The following TRPM8 variants were observed in gnomAD, a reference collection of about 807,000 sequenced individuals.
The protein encoded by TRPM8 is TRPM8 cationic channel.
A neutral mutation model predicts 133.7 loss-of-function variants in TRPM8; 110 were observed. The ratio of observed to expected loss-of-function variants is 0.82; its 90% CI spans 0.70 to 0.96. The LOEUF (loss-of-function observed/expected upper bound fraction) is 0.96. Among genes scored for constraint, TRPM8 ranks in the 40% least tolerant of loss-of-function variants. The pLI is 0.00. For missense variants in TRPM8, 1,291 were observed against 1,379.5 expected, an observed-to-expected ratio of 0.94 and a Z score of 1.02; for synonymous variants, 535 against 532.3, an observed-to-expected ratio of 1.01 and a Z score of -0.07.
intron 5 of TRPM8, among the ~76,000 whole-genome samples, chr2:233,941,652 T>G (rs953348972): frequency 6.6e-6 from 1 of 152,198 alleles, no homozygotes. Context: ...GGGCAACATA[T>G]TACACTAGGG....
chr2:233,932,491 C>T lies in TRPM8; in HGVS notation c.191+1750C>T, dbSNP rs577396954. 1.4e-4 allele frequency among the ~76,000 whole-genome samples: 21 copies of T among 152,220 alleles called. No homozygotes were observed. In the East Asian group the frequency reaches 3.1e-3, roughly 22 times the overall value. On this transcript the variant is annotated intron_variant, in intron 3 of 25. Coordinates refer to ENST00000324695, the MANE Select transcript of TRPM8 (RefSeq NM_024080.5). ...CAGTGGAATATGTTGATTGGCAAGGCTTGGGAGATGTGTCCAGGTGAACTC... is the reference window on the plus strand; with the variant it reads ...CAGTGGAATATGTTGATTGGCAAGGTTTGGGAGATGTGTCCAGGTGAACTC...
intron 4 of TRPM8, among the ~76,000 whole-genome samples, chr2:233,938,595 A>G (rs1690821313): frequency 6.6e-6 from 1 of 152,106 alleles, no homozygotes; most frequent in Admixed American, 6.6e-5. Flanking sequence ...AGGCGGGACA[A>G]CTCGAAACGA....
At chr2:233,991,090 G>A (rs1289028676) in intron 21 of TRPM8, among the ~76,000 whole-genome samples, 2 of 152,072 alleles carry the variant, frequency 1.3e-5, no homozygotes, top group Non-Finnish European at 2.9e-5. Context: ...TGGTAGGAGA[G>A]GTAGAAGCAG....
intron 17 of TRPM8, among the ~76,000 whole-genome samples, chr2:233,973,435 G>A (rs1691783282): frequency 6.6e-6 from 1 of 152,188 alleles, no homozygotes; most frequent in African/African-American, 2.4e-5. Context: ...GCTTGTCGAT[G>A]CATCCCTCTG....
At chr2:233,969,566 G>A (rs575348324) in intron 15 of TRPM8, 129 bp from the exon 16 acceptor site, 1 of 654,490 alleles carries the variant, frequency 1.5e-6, no homozygotes, top group South Asian at 1.9e-5. Context: ...TGGTATAAAA[G>A]AATAATGACA....
At chr2:233,917,957 G>A (rs1003987973) in intron 1 of TRPM8, among the ~76,000 whole-genome samples, 6 of 152,126 alleles carry the variant, frequency 3.9e-5, no homozygotes, top group South Asian at 2.1e-4. Flanking sequence ...GTTTCCTTCC[G>A]TTCTTCCAGC....
chr2:233,926,723 T>C (rs1691525383), intron 2 of TRPM8, 69 bp downstream of exon 2: 1 of 1,194,884 alleles, frequency 8.4e-7, no homozygotes, highest in Non-Finnish European at 1.2e-6. Flanking sequence ...AATCCTGCAT[T>C]TGCACATTGA....
intron 22 of TRPM8, among the ~76,000 whole-genome samples, chr2:234,004,899 T>C (rs577605782): frequency 2.6e-5 from 4 of 152,262 alleles, no homozygotes; most frequent in Admixed American, 2.6e-4. Context: ...CATCGCAAAA[T>C]TTTTCCATAT....
intron 24 of TRPM8, among the ~76,000 whole-genome samples, chr2:234,011,050 G>A (rs1467649571): frequency 6.6e-6 from 1 of 152,136 alleles, no homozygotes; most frequent in Non-Finnish European, 1.5e-5. Context: ...TCATTGCCAC[G>A]ACCAGAGTCA....
intron 20 of TRPM8, among the ~76,000 whole-genome samples, chr2:233,983,779 G>C (rs1692074316): frequency 6.6e-6 from 1 of 152,160 alleles, no homozygotes; most frequent in African/African-American, 2.4e-5. Context: ...AGCATCTTTA[G>C]GATGCTGACA....
intron 24 of TRPM8, 26 bp from the exon 25 acceptor site, chr2:234,014,536 G>C: frequency 6.8e-7 from 1 of 1,465,520 alleles, no homozygotes. Flanking sequence ...ATCTTAAGAT[G>C]AGTTCTATTT....
intron 24 of TRPM8, among the ~76,000 whole-genome samples, chr2:234,009,523 A>G (rs547890569): frequency 1.3e-5 from 2 of 152,244 alleles, no homozygotes; most frequent in Admixed American, 1.3e-4. Flanking sequence ...AGGCGGTAGA[A>G]TTGTGGATAC....
intron 17 of TRPM8, among the ~76,000 whole-genome samples, chr2:233,971,484 C>CT (rs1201152144): frequency 3.0e-4 from 46 of 152,180 alleles, no homozygotes; most frequent in Admixed American, 2.8e-3. Flanking sequence ...CTGTGTCTGA[C>CT]TTTCCTTGCC....
intron 17 of TRPM8, among the ~76,000 whole-genome samples, chr2:233,978,192 T>C (rs1365213389): frequency 8.5e-6 from 1 of 117,410 alleles, no homozygotes; most frequent in Non-Finnish European, 1.8e-5. Context: ...AGAAATGGAA[T>C]ATTATAGTGT....
intron 16 of TRPM8, 93 bp from the exon 17 acceptor site, chr2:233,970,117 G>A: frequency 8.7e-7 from 1 of 1,146,986 alleles, no homozygotes; most frequent in Non-Finnish European, 1.3e-6. Context: ...TCCTGGCTAT[G>A]GGTCTGTATT....
intron 25 of TRPM8, among the ~76,000 whole-genome samples, chr2:234,015,660 C>T (rs1162009838): frequency 6.6e-6 from 1 of 152,130 alleles, no homozygotes; most frequent in African/African-American, 2.4e-5. Context: ...AGTTATAGCT[C>T]ATATTAAAAA....
intron 2 of TRPM8, among the ~76,000 whole-genome samples, chr2:233,927,866 CTTTCTT>C (rs1691585270): frequency 2.1e-5 from 1 of 48,654 alleles, no homozygotes; most frequent in Non-Finnish European, 3.2e-5. Context: ...CTTTCTCTTT[CTTTCTT>C]TCTTTCTTTC....
intron 2 of TRPM8, among the ~76,000 whole-genome samples, chr2:233,928,773 T>G (rs1691621804): frequency 6.6e-6 from 1 of 152,222 alleles, no homozygotes; most frequent in South Asian, 2.1e-4. Context: ...ACCACCAGCT[T>G]GAGAAATAGC....
At chr2:233,993,188 C>A (rs1479779398) in intron 21 of TRPM8, among the ~76,000 whole-genome samples, 1 of 152,192 alleles carries the variant, frequency 6.6e-6, no homozygotes, top group African/African-American at 2.4e-5. Context: ...TTCATTCACA[C>A]CCCCTGGGAT....
Sources: allele counts gnomAD v4.1 joint callset (sites outside exome capture counted in the v4.1 genomes callset), GRCh38; gene constraint gnomAD v4.1.1; transcripts MANE v1.5; gene names NCBI Gene and HGNC (gene_info 2026-07-23, HGNC 2026-07-21).